The following PSTPIP2 variants were observed in gnomAD, a reference collection of about 807,000 sequenced individuals.
PSTPIP2 encodes the protein proline-serine-threonine phosphatase interacting protein 2, also known as proline-serine-threonine phosphatase-interacting protein 2.
A neutral mutation model predicts 63.3 loss-of-function variants in PSTPIP2; 33 were observed. That is an observed-to-expected ratio of 0.52 (90% CI 0.40 to 0.70). The LOEUF is 0.70. PSTPIP2 is among the 30% of genes least tolerant of loss of function. PSTPIP2 has a pLI of 0.00. For synonymous variants in PSTPIP2, 125 were observed against 132.7 expected (o/e 0.94, Z 0.40); for missense variants, 312 against 400.7 (o/e 0.78, Z 1.89).
At chr18:46,068,557 C>A (rs1258540948) in intron 1 of PSTPIP2, among the ~76,000 whole-genome samples, 1 of 151,614 alleles carries the variant, frequency 6.6e-6, no homozygotes, top group Non-Finnish European at 1.5e-5. Context: ...CTCAGCCTCC[C>A]AAAGTGCTGG....
intron 1 of PSTPIP2, 98 bp downstream of exon 1, chr18:46,072,058 T>G: frequency 7.2e-7 from 1 of 1,396,662 alleles, no homozygotes; most frequent in Non-Finnish European, 9.4e-7. Context: ...GGTCACCGAG[T>G]GGCGCCGGAG....
chr18:45,991,532 T>C (rs933742889), intron 12 of PSTPIP2, among the ~76,000 whole-genome samples: 1 of 152,196 alleles, frequency 6.6e-6, no homozygotes, highest in Non-Finnish European at 1.5e-5. Context: ...TTGACTTTTT[T>C]CCAGCCATTT....
intron 1 of PSTPIP2, among the ~76,000 whole-genome samples, chr18:46,053,037 T>C (rs1908636741): frequency 6.6e-6 from 1 of 152,174 alleles, no homozygotes; most frequent in Non-Finnish European, 1.5e-5. Context: ...TACAAAAAAG[T>C]AATCTCCAAG....
rs1392665265 is a variant in PSTPIP2, at chr18:45,996,625, T to TA, written c.642+1123dup. Among the ~76,000 whole-genome samples the TA allele has an allele frequency of 1.7e-3, 233 of 135,106 alleles. 1 individual carries two copies. Among genetic ancestry groups the TA allele is most frequent in the African/African-American group, 4.3e-3 (158 of 36,712 alleles). 88.6% of individuals were successfully genotyped at this position (135,106 alleles called of 152,430 possible). A position where few individuals can be genotyped will look rare whatever the true frequency, so the allele number is the denominator to read the frequency against. On this transcript the variant is annotated intron_variant, in intron 9 of 14. Transcript: ENST00000409746. ...GGTGAAATTGAAGGTATGAGGAGAG[T>TA]AAAAAAAAAAAAGAAAACCCTCCAG...
chr18:46,067,327 C>A (rs890342304), intron 1 of PSTPIP2, among the ~76,000 whole-genome samples: 8 of 151,584 alleles, frequency 5.3e-5, no homozygotes, highest in Non-Finnish European at 8.8e-5. Flanking sequence ...ACGGTGAAAC[C>A]CCGTCTCTAC....
chr18:45,999,551 A>G lies in PSTPIP2; in HGVS notation c.418-17T>C, dbSNP rs1230346585. On this transcript the variant is annotated splice_polypyrimidine_tract_variant and intron_variant, in intron 6 of 14. Coordinates refer to ENST00000409746, the MANE Select transcript of PSTPIP2 (RefSeq NM_024430.4). ...CTTCTTTGCCTTTGTCATTATGAAC[A>G]AAGAGAACCAAAACAAATGAACAGA... 2 of 1,613,332 alleles carry G rather than the reference A, an allele frequency of 1.2e-6. No individual in the cohort carries two copies. The highest frequency in any genetic ancestry group is 1.7e-6 in the Non-Finnish European group (2 of 1,179,412).
In PSTPIP2 at chr18:45,993,627, T is replaced by C; in HGVS notation, c.719A>G (p.Gln240Arg). 6.2e-7 allele frequency: 1 copy of C among 1,614,122 alleles called. No individual in the cohort carries two copies. ...TACTTCATCACTGGTGACACATTGT[T>C]GTGACAGCTGATTCACATGTAACCA... ...ALWLHVNQLS[Q>R]QCVTSDEMYE... Residue 240 changes from glutamine (Q) to arginine (R), a missense_variant, in exon 10 of 15, where the codon CAA (glutamine) becomes CGA (arginine). By Grantham distance (43) the Gln-to-Arg change is conservative. Coordinates refer to ENST00000409746, the MANE Select transcript of PSTPIP2 (RefSeq NM_024430.4).
intron 4 of PSTPIP2, among the ~76,000 whole-genome samples, chr18:46,013,954 T>C (rs2051826953): frequency 6.6e-6 from 1 of 151,796 alleles, no homozygotes; most frequent in Non-Finnish European, 1.5e-5. Context: ...ACCAAGAAAA[T>C]AAATCCAAAC....
At chr18:45,997,151 T>G (rs1422526594) in intron 9 of PSTPIP2, among the ~76,000 whole-genome samples, 2 of 152,112 alleles carry the variant, frequency 1.3e-5, no homozygotes, top group East Asian at 1.9e-4. Flanking sequence ...CTATTCCAGT[T>G]CCTTCCATTC....
At chr18:45,998,987 A>C in intron 7 of PSTPIP2, 148 bp from the exon 8 acceptor site, 1 of 766,600 alleles carries the variant, frequency 1.3e-6, no homozygotes, top group South Asian at 1.7e-5. Flanking sequence ...TGAGCAAATC[A>C]TTCAACGTGC....
chr18:46,003,871 C>A (rs1321086531), intron 6 of PSTPIP2, among the ~76,000 whole-genome samples: 1 of 151,886 alleles, frequency 6.6e-6, no homozygotes, highest in African/African-American at 2.4e-5. Flanking sequence ...ATTCTCCTGC[C>A]TCAACTTCCC....
At chr18:46,029,519 T>C (rs1320194165) in intron 2 of PSTPIP2, 4 of 828,746 alleles carry the variant, frequency 4.8e-6, no homozygotes, top group Non-Finnish European at 8.6e-6. Context: ...GAATGGACAG[T>C]TGCTTGTGGT....
At chr18:46,064,781 A>T (rs577083365) in intron 1 of PSTPIP2, among the ~76,000 whole-genome samples, 1 of 152,274 alleles carries the variant, frequency 6.6e-6, no homozygotes, top group African/African-American at 2.4e-5. Context: ...TTGAGTTTCC[A>T]GAAATAGATA....
intron 2 of PSTPIP2, among the ~76,000 whole-genome samples, chr18:46,024,946 A>G (rs1253090319): frequency 3.3e-5 from 5 of 152,158 alleles, no homozygotes. Flanking sequence ...AAAACTGAAC[A>G]TTTGTTTAAG....
chr18:46,060,787 T>C (rs529268767), intron 1 of PSTPIP2, among the ~76,000 whole-genome samples: 9 of 152,350 alleles, frequency 5.9e-5, no homozygotes, highest in African/African-American at 2.2e-4. Flanking sequence ...CAGACAGGCT[T>C]CTACAATAAC....
At chr18:46,057,531 C>T (rs1226928331) in intron 1 of PSTPIP2, among the ~76,000 whole-genome samples, 2 of 151,616 alleles carry the variant, frequency 1.3e-5, no homozygotes, top group African/African-American at 2.4e-5. Context: ...GATTTCACCA[C>T]GTTGGCCAGG....
intron 1 of PSTPIP2, 41 bp downstream of exon 1, chr18:46,072,115 G>C (rs1463343341): frequency 2.0e-6 from 3 of 1,520,240 alleles, no homozygotes; most frequent in African/African-American, 2.9e-5. Flanking sequence ...GCCCGGGCCG[G>C]GTCCTGAGCC....
chr18:46,057,997 CAAAAAAAAAAA>C (rs71177701), intron 1 of PSTPIP2, among the ~76,000 whole-genome samples: 1 of 100,598 alleles, frequency 9.9e-6, no homozygotes. Context: ...GACTCCGTCT[CAAAAAAAAAAA>C]AAAAAAAAAA....
rs535782765 is a variant in PSTPIP2, at chr18:46,023,179, C to T, written c.212+1430G>A. 3.2e-4 allele frequency among the ~76,000 whole-genome samples: 49 copies of T among 152,264 alleles called. No individual in the cohort carries two copies. In the South Asian group the frequency reaches 6.6e-3, roughly 21 times the overall value. ...AACTAATGGGTACCAGGCTTAATACCTGGGCGATGAAATAATATGTACAAC... is the reference window on the plus strand; with the variant it reads ...AACTAATGGGTACCAGGCTTAATACTTGGGCGATGAAATAATATGTACAAC... On this transcript the variant is annotated intron_variant, in intron 3 of 14. Coordinates refer to ENST00000409746, the MANE Select transcript of PSTPIP2 (RefSeq NM_024430.4).
Sources: gnomAD v4.1 joint callset for allele counts (sites outside exome capture counted in the v4.1 genomes callset) on GRCh38, gnomAD v4.1.1 for gene constraint, MANE v1.5 for transcripts, NCBI Gene and HGNC (gene_info 2026-07-23, HGNC 2026-07-21) for gene names.